The following RNF181 variants were observed in gnomAD, a reference collection of about 807,000 sequenced individuals.
The protein encoded by RNF181 is E3 ubiquitin-protein ligase RNF181.
Under a neutral mutation model 23.3 loss-of-function variants are expected in RNF181, and 25 were observed. That is an observed-to-expected ratio of 1.07 (90% CI 0.78 to 1.50). The LOEUF is 1.50. RNF181 is among the 40% of genes most tolerant of loss of function. The pLI, the probability that RNF181 is intolerant of heterozygous loss-of-function variation, is 0.00. For missense variants in RNF181, 167 were observed against 191.1 expected, an observed-to-expected ratio of 0.87 and a Z score of 0.74; for synonymous variants, 62 against 70.9, an observed-to-expected ratio of 0.87 and a Z score of 0.63.
rs148575905 is a variant in RNF181 at position 85,597,501 on chromosome 2, G to T, written c.459G>T (p.Thr153=). ...RLENLHGAMY[T] is the part of the protein sequence containing the mutation. The stretch of plus-strand genomic sequence containing the variant: ...AGAACCTCCATGGAGCCATGTACAC[G>T]TGAGGAGGTTGGGGCTGAGTGCTGG... The change falls in exon 5 of 5, where the codon ACG becomes ACT. Residue 153 remains threonine, a synonymous_variant. Transcript: ENST00000306368. 4 of 1,613,716 alleles carry T rather than the reference G, an allele frequency of 2.5e-6. No homozygotes were observed. The South Asian group carries it at 4.4e-5, about 18-fold the overall frequency.
rs755439342 is a variant in RNF181 at position 85,597,443 on chromosome 2, A to C, written c.403-2A>C. 1 of 1,607,374 alleles carries C rather than the reference A, an allele frequency of 6.2e-7. No homozygotes were observed. The highest frequency in any genetic ancestry group is 1.1e-5 in the South Asian group (1 of 90,214). On this transcript the variant is annotated splice_acceptor_variant, in intron 4 of 4. Transcript: ENST00000306368. LOFTEE classifies it high-confidence loss of function. ...CTGCCCAGCATGCCTTCTTTCCTTC[A>C]GGCTCGAAAACAGCAGCAGCAACAC...
rs781134779 is a variant in RNF181, at chr2:85,596,620, C to G, written c.188C>G (p.Pro63Arg). Residue 63 changes from proline (P) to arginine (R), a missense_variant, in exon 2 of 5, where the codon CCC (proline) becomes CGC (arginine). Pro to Arg is a moderately radical substitution (Grantham distance 103). Transcript: ENST00000306368. ...GCCAAGACTGTGGTTGAGAACCTCC[C>G]CAGGACAGTCATCAGAGGCTCTCAG... ...PAAKTVVENL[P>R]RTVIRGSQAE... is the part of the protein sequence containing the mutation. The G allele has an allele frequency of 2.5e-6, 4 of 1,614,034 alleles. No individual in the cohort carries two copies. The highest frequency in any genetic ancestry group is 3.4e-6 in the Non-Finnish European group (4 of 1,179,948).
intron 4 of RNF181, 116 bp from the exon 5 acceptor site, chr2:85,597,329 T>A: frequency 7.0e-7 from 1 of 1,423,634 alleles, no homozygotes; most frequent in Non-Finnish European, 9.6e-7. Context: ...GGTGAGAGCC[T>A]CAGCAATGCA....
At position 85,596,900 on chromosome 2, in the gene RNF181, A is replaced by C; in HGVS notation, c.296A>C (p.His99Pro). The C allele has an allele frequency of 6.2e-7, 1 of 1,614,172 alleles. No individual in the cohort carries two copies. Among genetic ancestry groups the C allele is most frequent in the Non-Finnish European group, 8.5e-7 (1 of 1,180,028 alleles). The change falls in exon 3 of 5, where the codon CAT becomes CCT. Residue 99 changes from histidine to proline, a missense_variant. Coordinates refer to ENST00000306368, the MANE Select transcript of RNF181 (RefSeq NM_016494.4). ...AIEMPCHHLF[H>P]SSCILPWLSK... Reference sequence around the variant, plus strand: ...GAGATGCCTTGCCATCACCTTTTCCATTCCAGCTGCATTCTGCCCTGGCTA... The same window carrying C: ...GAGATGCCTTGCCATCACCTTTTCCCTTCCAGCTGCATTCTGCCCTGGCTA...
chr2:85,597,598 T>G lies in RNF181; in HGVS notation c.*94T>G. 1 of 1,562,298 alleles carries G rather than the reference T, an allele frequency of 6.4e-7. No individual in the cohort carries two copies. Among genetic ancestry groups the G allele is most frequent in the African/African-American group, 1.4e-5 (1 of 73,118 alleles). On this transcript the variant is annotated 3_prime_UTR_variant, in exon 5 of 5. Transcript: ENST00000306368. ...TTTACCCACCCTGAGGCTGTATTGATCACAGACCTGGCCAGGGGCTCTGCA... is the reference window on the plus strand; with the variant it reads ...TTTACCCACCCTGAGGCTGTATTGAGCACAGACCTGGCCAGGGGCTCTGCA...
At chr2:85,597,260 G>A (rs1672695843) in intron 4 of RNF181, 82 bp downstream of exon 4, 2 of 1,406,814 alleles carry the variant, frequency 1.4e-6, no homozygotes, top group Admixed American at 2.0e-5. Context: ...CACCTCAGCA[G>A]GACTGGGTAG....
intron 4 of RNF181, 38 bp downstream of exon 4, chr2:85,597,216 CTCCCTGAGTCCTG>C: frequency 1.3e-6 from 2 of 1,551,970 alleles, no homozygotes; most frequent in South Asian, 2.3e-5. Context: ...TCGTAATGGG[CTCCCTGAGTCCTG>C]TCCCCGCTGC....
chr2:85,596,547 G>A lies in RNF181; in HGVS notation c.115G>A (p.Asp39Asn), dbSNP rs1378623222. 1.9e-6 allele frequency: 3 copies of A among 1,613,052 alleles called. No homozygotes were observed. The Admixed American group carries it at 5.0e-5, about 27-fold the overall frequency. Residue 39 changes from aspartate (D) to asparagine (N), a missense_variant, in exon 2 of 5, where the codon GAC becomes AAC. Physicochemically the swap from Asp to Asn is conservative, Grantham distance 23. Coordinates refer to ENST00000306368, the MANE Select transcript of RNF181 (RefSeq NM_016494.4). ...ACTTTTCAATAGGATGGACTTTGAA[G>A]ACTTGGGGTTGGTAGTAGATTGGGA... ...RSLFNRMDFEDLGLVVDWDHH... is the reference protein window; with the variant it reads ...RSLFNRMDFENLGLVVDWDHH...
rs375414610 is a variant in RNF181, at chr2:85,595,788, G to C, written c.25G>C (p.Asp9His). 1.9e-6 allele frequency: 3 copies of C among 1,613,974 alleles called. No individual in the cohort carries two copies. In the Admixed American group the frequency reaches 5.0e-5, roughly 27 times the overall value. The change falls in exon 1 of 5, where the codon GAC becomes CAC. Residue 9 changes from aspartate to histidine, a missense_variant. By Grantham distance (81) the Asp-to-His change is moderately conservative (BLOSUM62 -1). Coordinates refer to ENST00000306368, the MANE Select transcript of RNF181 (RefSeq NM_016494.4). MASYFDEH[D>H]CEPSDPEQET... The stretch of plus-strand genomic sequence containing the variant: ...CATGGCGTCCTATTTCGATGAACAC[G>C]ACTGCGAGCCGTCGGACCCTGAGCA...
chr2:85,596,488 C>T (rs1416675605), intron 1 of RNF181, 31 bp from the exon 2 acceptor site: 30 of 1,562,236 alleles, frequency 1.9e-5, no homozygotes, highest in Non-Finnish European at 2.5e-5. Context: ...CATAGTTTTC[C>T]TTTGTTCTGA....
At position 85,596,579 on chromosome 2, in the gene RNF181, C is replaced by T; in HGVS notation, c.147C>T (p.His49=). Residue 49 remains histidine, a synonymous_variant, in exon 2 of 5, where the codon CAC becomes CAT. Transcript: ENST00000306368. ...GGTTGGTAGTAGATTGGGACCACCACCTGCCTCCACCAGCTGCCAAGACTG... is the reference window on the plus strand; with the variant it reads ...GGTTGGTAGTAGATTGGGACCACCATCTGCCTCCACCAGCTGCCAAGACTG... ...DLGLVVDWDH[H]LPPPAAKTVV... The T allele has an allele frequency of 6.2e-7, 1 of 1,614,110 alleles. No homozygotes were observed. Among genetic ancestry groups the T allele is most frequent in the African/African-American group, 1.3e-5 (1 of 75,050 alleles).
In RNF181 at chr2:85,597,516, C is replaced by G. The variant is rs1672702164; in HGVS notation, c.*12C>G. 2 of 1,613,694 alleles carry G rather than the reference C, an allele frequency of 1.2e-6. No individual in the cohort carries two copies. The highest frequency in any genetic ancestry group is 1.7e-6 in the Non-Finnish European group (2 of 1,179,868). On this transcript the variant is annotated 3_prime_UTR_variant, in exon 5 of 5. Coordinates refer to ENST00000306368, the MANE Select transcript of RNF181 (RefSeq NM_016494.4). ...CCATGTACACGTGAGGAGGTTGGGG[C>G]TGAGTGCTGGCCCTCTGCGTCTTCC...
rs1450029593 is a variant in RNF181, at chr2:85,597,467, A to G, written c.425A>G (p.His142Arg). ...CAGGCTCGAAAACAGCAGCAGCAAC[A>G]CCGACTGGAGAACCTCCATGGAGCC... is the stretch of plus-strand genomic sequence containing the variant. Reference protein sequence around the residue: ...RDKARKQQQQHRLENLHGAMY... With the variant: ...RDKARKQQQQRRLENLHGAMY... The change falls in exon 5 of 5, where the codon CAC (histidine) becomes CGC (arginine). Residue 142 changes from histidine to arginine, a missense_variant. By Grantham distance (29) the His-to-Arg change is conservative. Coordinates refer to ENST00000306368, the MANE Select transcript of RNF181 (RefSeq NM_016494.4). 1.2e-6 allele frequency: 2 copies of G among 1,612,544 alleles called. No homozygotes were observed. The highest frequency in any genetic ancestry group is 1.7e-5 in the Admixed American group (1 of 59,522).
rs756079587 is a variant in RNF181, at chr2:85,596,938, C to T, written c.327+7C>T. 6.1e-5 allele frequency: 99 copies of T among 1,614,068 alleles called. No homozygotes were observed. The highest frequency in any genetic ancestry group is 8.2e-5 in the Non-Finnish European group (97 of 1,180,018). ...TCTGCCCTGGCTAAGCAAGGTACTGCTTCTCTTCTTCTAGCTCTCACCGTG... is the reference window on the plus strand; with the variant it reads ...TCTGCCCTGGCTAAGCAAGGTACTGTTTCTCTTCTTCTAGCTCTCACCGTG... On this transcript the variant is annotated splice_region_variant and intron_variant, in intron 3 of 4. Coordinates refer to ENST00000306368, the MANE Select transcript of RNF181 (RefSeq NM_016494.4).
chr2:85,597,040 G>A (rs753813106), intron 3 of RNF181, 64 bp from the exon 4 acceptor site: 1 of 1,614,136 alleles, frequency 6.2e-7, no homozygotes, highest in South Asian at 1.1e-5. Flanking sequence ...TTGGGAGCAG[G>A]GGAGGGTGGT....
At chr2:85,597,285 G>A (rs1389491353) in intron 4 of RNF181, 107 bp downstream of exon 4, 1 of 1,371,224 alleles carries the variant, frequency 7.3e-7, no homozygotes, top group Non-Finnish European at 1.0e-6. Flanking sequence ...CAGAATCCCT[G>A]GCTCTGGCTG....
At chr2:85,596,736 T>A in intron 2 of RNF181, 86 bp from the exon 3 acceptor site, 1 of 1,610,916 alleles carries the variant, frequency 6.2e-7, no homozygotes, top group Non-Finnish European at 8.5e-7. Flanking sequence ...GTTTTCCAGG[T>A]CAGGTGGGGG....
Position 85,597,489 on chromosome 2 carries a change from AG to A in RNF181, c.448del (p.Ala150ProfsTer25), listed in dbSNP as rs541982712. Reference protein sequence around the residue: ...QQHRLENLHGAMYT With the variant: ...QQHRLENLHGXMYT Reference sequence around the variant, plus strand: ...AACACCGACTGGAGAACCTCCATGGAGCCATGTACACGTGAGGAGGTTGGGG... The same window carrying A: ...AACACCGACTGGAGAACCTCCATGGACCATGTACACGTGAGGAGGTTGGGG... On this transcript the variant is annotated frameshift_variant, in exon 5 of 5. Transcript: ENST00000306368. LOFTEE classifies it high-confidence loss of function. 290 of 1,613,282 alleles carry A rather than the reference AG, an allele frequency of 1.8e-4. No homozygotes were observed. The African/African-American group carries it at 3.5e-3, about 19-fold the overall frequency.
Position 85,597,610 on chromosome 2 carries a change from C to T in RNF181, c.*106C>T, listed in dbSNP as rs1470151088. ...GAGGCTGTATTGATCACAGACCTGG[C>T]CAGGGGCTCTGCATCCTCCATCAGG... On this transcript the variant is annotated 3_prime_UTR_variant, in exon 5 of 5. Coordinates refer to ENST00000306368, the MANE Select transcript of RNF181 (RefSeq NM_016494.4). 3 of 1,525,278 alleles carry T rather than the reference C, an allele frequency of 2.0e-6. No individual in the cohort carries two copies. The highest frequency in any genetic ancestry group is 1.4e-5 in the African/African-American group (1 of 71,856). The allele number at this position is 1,525,278 out of a possible 1,614,324, so 94.5% of individuals were successfully genotyped here.
Sources: gnomAD v4.1 joint callset for allele counts on GRCh38, gnomAD v4.1.1 for gene constraint, MANE v1.5 for transcripts, NCBI Gene and HGNC (gene_info 2026-07-23, HGNC 2026-07-21) for gene names.